CCDC175: variants seen among roughly 807,000 people sequenced by gnomAD.
CCDC175 encodes the protein coiled-coil domain containing 175, also known as coiled-coil domain-containing protein 175.
In CCDC175, 100 loss-of-function variants were observed where a neutral mutation model predicts 114.6. The observed-to-expected ratio is 0.87, with a 90% CI of 0.74 to 1.03. CCDC175 has a LOEUF of 1.03. Among genes scored for constraint, CCDC175 ranks in the 50% least tolerant of loss-of-function variants. The pLI is 0.00. For synonymous variants in CCDC175, 306 were observed against 308.7 expected (o/e 0.99, Z 0.09); for missense variants, 880 against 917.8 (o/e 0.96, Z 0.53).
chr14:59,568,978 T>C (rs528610909), intron 3 of CCDC175, among the ~76,000 whole-genome samples: 2 of 152,324 alleles, frequency 1.3e-5, no homozygotes, highest in South Asian at 4.1e-4. Context: ...CCTAATAAAA[T>C]AATAATGCAA....
intron 4 of CCDC175, among the ~76,000 whole-genome samples, chr14:59,568,009 T>C (rs1896651504): frequency 6.6e-6 from 1 of 152,212 alleles, no homozygotes; most frequent in Admixed American, 6.5e-5. Flanking sequence ...CTGGATTGCC[T>C]CTGAAATATT....
chr14:59,513,876 C>A (rs894505538), intron 17 of CCDC175, among the ~76,000 whole-genome samples: 3 of 152,236 alleles, frequency 2.0e-5, no homozygotes, highest in African/African-American at 7.2e-5. Context: ...TCCTCAAGCA[C>A]GTCCTTGACC....
chr14:59,530,551 A>G (rs1238285799), intron 14 of CCDC175, among the ~76,000 whole-genome samples: 1 of 152,124 alleles, frequency 6.6e-6, no homozygotes, highest in African/African-American at 2.4e-5. Context: ...ATAAGAGGCC[A>G]AGAAAACCTA....
intron 11 of CCDC175, among the ~76,000 whole-genome samples, chr14:59,539,115 G>C (rs1894600870): frequency 6.6e-6 from 1 of 152,206 alleles, no homozygotes; most frequent in South Asian, 2.1e-4. Flanking sequence ...TTCAGGTAAA[G>C]GATAGAAATG....
chr14:59,514,684 G>T (rs888661764), intron 17 of CCDC175, among the ~76,000 whole-genome samples: 1 of 152,152 alleles, frequency 6.6e-6, no homozygotes, highest in Non-Finnish European at 1.5e-5. Context: ...CCAAATCTAC[G>T]TCTGATTGGT....
chr14:59,538,602 A>G, intron 12 of CCDC175, 103 bp downstream of exon 12: 1 of 1,010,076 alleles, frequency 9.9e-7, no homozygotes, highest in East Asian at 2.7e-5. Context: ...AATCAGCAGA[A>G]AGGAAAATAC....
chr14:59,525,236 C>A, intron 16 of CCDC175, 46 bp downstream of exon 16: 1 of 1,290,748 alleles, frequency 7.7e-7, no homozygotes, highest in Non-Finnish European at 1.0e-6. Context: ...CAGGTCTAGT[C>A]AATTAATCAA....
intron 19 of CCDC175, among the ~76,000 whole-genome samples, chr14:59,509,374 T>C (rs1293133685): frequency 6.6e-6 from 1 of 152,190 alleles, no homozygotes; most frequent in Non-Finnish European, 1.5e-5. Context: ...GGCAGGACCA[T>C]CAAAATGACT....
intron 19 of CCDC175, among the ~76,000 whole-genome samples, chr14:59,510,168 G>C (rs1454109431): frequency 6.6e-6 from 1 of 152,096 alleles, no homozygotes; most frequent in African/African-American, 2.4e-5. Flanking sequence ...TACGCCTCTG[G>C]AGAGACTGGA....
chr14:59,535,075 C>A (rs1436107086), intron 13 of CCDC175, among the ~76,000 whole-genome samples: 1 of 152,190 alleles, frequency 6.6e-6, no homozygotes, highest in East Asian at 1.9e-4. Flanking sequence ...TAATTTTGGG[C>A]TCCTCATGCC....
intron 19 of CCDC175, among the ~76,000 whole-genome samples, chr14:59,508,257 G>A (rs112962730): frequency 4.0e-5 from 6 of 151,766 alleles, no homozygotes; most frequent in Non-Finnish European, 7.4e-5. Flanking sequence ...TTATTCCCGC[G>A]TTCGCCCCGC....
chr14:59,533,736 C>G (rs572258998), intron 13 of CCDC175, among the ~76,000 whole-genome samples: 1 of 152,242 alleles, frequency 6.6e-6, no homozygotes, highest in Admixed American at 6.5e-5. Context: ...CACCTGGAAT[C>G]CCAGCACTTT....
chr14:59,539,067 T>A (rs766655051), intron 11 of CCDC175, among the ~76,000 whole-genome samples: 1 of 152,174 alleles, frequency 6.6e-6, no homozygotes. Context: ...ACACTTCCAA[T>A]AGAACAGCGA....
chr14:59,513,523 C>G (rs371773854), intron 17 of CCDC175, among the ~76,000 whole-genome samples: 1 of 152,172 alleles, frequency 6.6e-6, no homozygotes, highest in South Asian at 2.1e-4. Context: ...GATTATATCC[C>G]GTGCCTGGCT....
At chr14:59,561,552 C>A (rs2140104935) in intron 6 of CCDC175, among the ~76,000 whole-genome samples, 1 of 152,232 alleles carries the variant, frequency 6.6e-6, no homozygotes, top group South Asian at 2.1e-4. Context: ...TCCATAGTGT[C>A]ACAATCATCT....
intron 13 of CCDC175, among the ~76,000 whole-genome samples, chr14:59,535,382 T>C (rs1894334469): frequency 6.6e-6 from 1 of 152,204 alleles, no homozygotes; most frequent in African/African-American, 2.4e-5. Context: ...TCTTGCCTAA[T>C]TGCACTGTAT....
intron 19 of CCDC175, chr14:59,505,548 G>T (rs1273284650): frequency 6.7e-6 from 2 of 300,006 alleles, no homozygotes; most frequent in African/African-American, 2.2e-5. Flanking sequence ...TAGCAGAAAA[G>T]TATATATGCA....
chr14:59,570,205 G>A (rs1207910262), intron 3 of CCDC175, among the ~76,000 whole-genome samples: 1 of 152,156 alleles, frequency 6.6e-6, no homozygotes, highest in African/African-American at 2.4e-5. Flanking sequence ...TGGGCACTGT[G>A]GACTGCTGGA....
intron 10 of CCDC175, among the ~76,000 whole-genome samples, chr14:59,541,075 A>C (rs1370586272): frequency 2.0e-5 from 3 of 152,172 alleles, no homozygotes; most frequent in African/African-American, 7.2e-5. Flanking sequence ...CTTACCAAGG[A>C]AAGGGTGTCA....
Sources: gnomAD v4.1 joint callset for allele counts (sites outside exome capture counted in the v4.1 genomes callset) on GRCh38, gnomAD v4.1.1 for gene constraint, MANE v1.5 for transcripts, NCBI Gene and HGNC (gene_info 2026-07-23, HGNC 2026-07-21) for gene names.